Variants in ATP11A observed in about 807,000 individuals in gnomAD.
ATP11A encodes the protein phospholipid-transporting ATPase IH.
Under a neutral mutation model 154.4 loss-of-function variants are expected in ATP11A, and 81 were observed. The observed-to-expected ratio is 0.52, with a 90% CI of 0.44 to 0.63. The LOEUF (loss-of-function observed/expected upper bound fraction) is 0.63, where lower values mean the gene tolerates loss of function less well. Ranked by LOEUF, ATP11A falls within the 30% of genes least tolerant of loss-of-function variation. The pLI is 0.00. For missense variants in ATP11A, 1,316 were observed against 1,474.3 expected, an observed-to-expected ratio of 0.89 and a Z score of 1.76; for synonymous variants, 623 against 585.9, an observed-to-expected ratio of 1.06 and a Z score of -0.91.
intron 25 of ATP11A, among the ~76,000 whole-genome samples, chr13:112,864,274 G>T (rs373782202): frequency 1.7e-5 from 1 of 60,180 alleles, no homozygotes; most frequent in Non-Finnish European, 3.3e-5. Flanking sequence ...CACCACCTGC[G>T]CAGTAATTCA....
intron 15 of ATP11A, among the ~76,000 whole-genome samples, 155 bp downstream of exon 15, chr13:112,834,815 T>C (rs1566549027): frequency 1.3e-5 from 2 of 152,260 alleles, no homozygotes; most frequent in African/African-American, 4.8e-5. Context: ...GTCACCAGAA[T>C]GTTCTGGAGA....
At position 112,810,715 on chromosome 13, in the gene ATP11A, C is replaced by A; in HGVS notation, c.430C>A (p.Arg144=). The change falls in exon 5 of 30, where the codon CGA becomes AGA. Residue 144 remains arginine (R), a synonymous_variant. Coordinates refer to ENST00000375645, the MANE Select transcript of ATP11A (RefSeq NM_015205.3). ...QHGKLVRKQS[R]KLRVGDIVMV... ...CGGCAAGCTCGTTCGGAAACAAAGTCGAAAGCTGCGAGTAAGTGACACCCG... is the reference window on the plus strand; with the variant it reads ...CGGCAAGCTCGTTCGGAAACAAAGTAGAAAGCTGCGAGTAAGTGACACCCG... 6.2e-7 allele frequency: 1 copy of A among 1,614,000 alleles called. No individual in the cohort carries two copies. The highest frequency in any genetic ancestry group is 1.3e-5 in the African/African-American group (1 of 75,036).
At chr13:112,748,951 A>G (rs1163021048) in intron 1 of ATP11A, among the ~76,000 whole-genome samples, 1 of 152,134 alleles carries the variant, frequency 6.6e-6, no homozygotes, top group Non-Finnish European at 1.5e-5. Context: ...TATGTGCCTC[A>G]CCTCTTCCAC....
In ATP11A at chr13:112,838,310, C is replaced by T. The variant is rs2079297477; in HGVS notation, c.1705+2059C>T. Among the ~76,000 whole-genome samples, 3 of 152,272 alleles carry T rather than the reference C, an allele frequency of 2.0e-5. No individual in the cohort carries two copies. The highest frequency in any genetic ancestry group is 7.2e-5 in the African/African-American group (3 of 41,566). On this transcript the variant is annotated intron_variant, in intron 16 of 29. Transcript: ENST00000375645. The surrounding 1 kb of genome is among the most constrained non-coding windows in gnomAD (Gnocchi z 7.3). ...CTGGTCCATCCCGTCACGTGGTTTTCCCCGTAGCAGTCGAATCTAGCTGTT... is the reference window on the plus strand; with the variant it reads ...CTGGTCCATCCCGTCACGTGGTTTTTCCCGTAGCAGTCGAATCTAGCTGTT...
chr13:112,699,520 C>T (rs546961903), intron 1 of ATP11A, among the ~76,000 whole-genome samples: 4 of 152,306 alleles, frequency 2.6e-5, no homozygotes, highest in Non-Finnish European at 4.4e-5. Context: ...CAGCTGGCTG[C>T]GCTTGGGGTT....
At chr13:112,826,233 C>G (rs538256229) in intron 11 of ATP11A, among the ~76,000 whole-genome samples, 3 of 152,350 alleles carry the variant, frequency 2.0e-5, no homozygotes, top group Admixed American at 2.0e-4. Context: ...ATCATCTGTC[C>G]TTCCCACAAA....
chr13:112,810,259 G>A (rs1010753529), intron 4 of ATP11A, among the ~76,000 whole-genome samples: 3 of 152,252 alleles, frequency 2.0e-5, no homozygotes, highest in Non-Finnish European at 4.4e-5. Flanking sequence ...GAGCCTGGAA[G>A]GCTTGCTCAT....
At chr13:112,718,600 G>A (rs1888776501) in intron 1 of ATP11A, among the ~76,000 whole-genome samples, 1 of 152,136 alleles carries the variant, frequency 6.6e-6, no homozygotes, top group Admixed American at 6.5e-5. Flanking sequence ...CTGCCCTCGA[G>A]AGATTGTCAC....
intron 1 of ATP11A, among the ~76,000 whole-genome samples, chr13:112,771,206 G>A (rs986885569): frequency 7.9e-5 from 12 of 152,226 alleles, no homozygotes; most frequent in Admixed American, 5.2e-4. Flanking sequence ...GGTAAGGATG[G>A]TGAAGGCGTG....
chr13:112,862,291 T>G, intron 24 of ATP11A, 149 bp from the exon 25 acceptor site: 1 of 927,452 alleles, frequency 1.1e-6, no homozygotes, highest in Admixed American at 2.8e-5. Context: ...ACATGCCACA[T>G]TTGTGGCCAG....
intron 1 of ATP11A, among the ~76,000 whole-genome samples, chr13:112,779,348 TGAGTAGCCGCTGGAGTGAG>T (rs1555323090): frequency 1.8e-5 from 1 of 55,596 alleles, no homozygotes; most frequent in African/African-American, 7.9e-5. Flanking sequence ...GCCGCTGGAG[TGAGTAGCCGCTGGAGTGAG>T]GAGTAGCCGC....
chr13:112,723,150 A>C (rs915353026), intron 1 of ATP11A, among the ~76,000 whole-genome samples: 1 of 151,658 alleles, frequency 6.6e-6, no homozygotes, highest in South Asian at 2.1e-4. Flanking sequence ...CCCTGTTTAT[A>C]ATTTGGCATC....
At chr13:112,880,596 G>T (rs1343820116) in intron 29 of ATP11A, 2 of 1,299,768 alleles carry the variant, frequency 1.5e-6, no homozygotes, top group Non-Finnish European at 2.0e-6. Context: ...GCAGCGATGG[G>T]CCCCTCCTGA....
At position 112,692,996 on chromosome 13, in the gene ATP11A, A is replaced by T. The variant is rs141718373; in HGVS notation, c.39+2541A>T. Among the ~76,000 whole-genome samples the T allele has an allele frequency of 4.2e-4, 64 of 152,370 alleles. 1 individual carries two copies. In the East Asian group the frequency reaches 0.011, roughly 27 times the overall value. ...TCCTTCTTGGTGTTCACATAGTCAG[A>T]ATTCCTGGGACAAAGAAAGCTTTCC... is the stretch of plus-strand genomic sequence containing the variant. On this transcript the variant is annotated intron_variant, in intron 1 of 29. Coordinates refer to ENST00000375645, the MANE Select transcript of ATP11A (RefSeq NM_015205.3).
intron 1 of ATP11A, among the ~76,000 whole-genome samples, chr13:112,704,651 C>A (rs955990656): frequency 1.3e-5 from 2 of 152,200 alleles, no homozygotes; most frequent in African/African-American, 4.8e-5. Context: ...TGGGGGTGTC[C>A]CCCACTCTCT....
At chr13:112,740,566 TA>T (rs1257486026) in intron 1 of ATP11A, among the ~76,000 whole-genome samples, 1 of 152,220 alleles carries the variant, frequency 6.6e-6, no homozygotes, top group Non-Finnish European at 1.5e-5. Context: ...TGGCATCCGA[TA>T]ACCTTTTAGA....
chr13:112,699,009 TCAGC>T (rs1160984547), intron 1 of ATP11A, among the ~76,000 whole-genome samples: 1 of 152,240 alleles, frequency 6.6e-6, no homozygotes, highest in Non-Finnish European at 1.5e-5. Context: ...ATTACAGGTG[TCAGC>T]CACCGCGCCT....
intron 1 of ATP11A, among the ~76,000 whole-genome samples, chr13:112,716,055 C>CT (rs1222591819): frequency 7.2e-5 from 11 of 151,768 alleles, no homozygotes; most frequent in Non-Finnish European, 1.5e-4. Context: ...CCTGCCTGGA[C>CT]TTTGAGAATT....
chr13:112,767,988 C>T (rs1342356734), intron 1 of ATP11A, among the ~76,000 whole-genome samples: 1 of 152,190 alleles, frequency 6.6e-6, no homozygotes, highest in African/African-American at 2.4e-5. Flanking sequence ...CTTCTCTGGT[C>T]ACTGCTCTCT....
Sources: gnomAD v4.1 joint callset for allele counts (sites outside exome capture counted in the v4.1 genomes callset) on GRCh38, gnomAD v4.1.1 for gene constraint, Gnocchi (gnomAD v3.1) non-coding constraint, MANE v1.5 for transcripts, NCBI Gene and HGNC (gene_info 2026-07-23, HGNC 2026-07-21) for gene names.